Variants in TRPM6 observed in about 807,000 individuals in gnomAD.
TRPM6 encodes the protein channel kinase 2.
Under a neutral mutation model 247.6 loss-of-function variants are expected in TRPM6, and 111 were observed. The ratio of observed to expected loss-of-function variants is 0.45; its 90% CI spans 0.38 to 0.52. The LOEUF is 0.52. Ranked by LOEUF, TRPM6 falls within the 20% of genes least tolerant of loss-of-function variation. TRPM6 has a pLI of 0.00. For synonymous variants in TRPM6, 892 were observed against 853.8 expected, an observed-to-expected ratio of 1.04 and a Z score of -0.78; for missense variants, 2,126 against 2,421.5, an observed-to-expected ratio of 0.88 and a Z score of 2.56.
At chr9:74,753,416 GT>G (rs1484189803) in intron 28 of TRPM6, among the ~76,000 whole-genome samples, 1 of 152,150 alleles carries the variant, frequency 6.6e-6, no homozygotes, top group Non-Finnish European at 1.5e-5. Flanking sequence ...TGAAGGCCAA[GT>G]GGAGTAGCCG....
intron 17 of TRPM6, among the ~76,000 whole-genome samples, chr9:74,797,984 T>A (rs1384354729): frequency 1.3e-5 from 2 of 152,216 alleles, no homozygotes; most frequent in African/African-American, 4.8e-5. Flanking sequence ...AGGGTATAGA[T>A]CCAGACATCC....
intron 13 of TRPM6, 82 bp from the exon 14 acceptor site, chr9:74,808,256 A>AT: frequency 6.4e-7 from 1 of 1,558,028 alleles, no homozygotes; most frequent in Non-Finnish European, 8.8e-7. Context: ...ACATAATCAA[A>AT]TTAATTGCAA....
intron 1 of TRPM6, among the ~76,000 whole-genome samples, chr9:74,873,517 G>A (rs147876708): frequency 9.5e-4 from 145 of 152,316 alleles, no homozygotes; most frequent in African/African-American, 3.3e-3. Flanking sequence ...AATTATGATT[G>A]TCCAGAAGGG....
intron 27 of TRPM6, among the ~76,000 whole-genome samples, chr9:74,759,545 G>A (rs1159059164): frequency 6.6e-6 from 1 of 151,950 alleles, no homozygotes; most frequent in East Asian, 1.9e-4. Flanking sequence ...AAAAATGGTA[G>A]AAAATTTTGA....
intron 37 of TRPM6, among the ~76,000 whole-genome samples, chr9:74,732,226 A>G (rs1328281073): frequency 4.6e-5 from 7 of 152,204 alleles, no homozygotes; most frequent in African/African-American, 1.4e-4. Flanking sequence ...TTGTCCTCTC[A>G]TAAGATTTGC....
Position 74,724,224 on chromosome 9 carries a change from T to C in TRPM6, c.*389A>G, listed in dbSNP as rs1563983905. The C allele has an allele frequency of 3.7e-6, 1 of 272,904 alleles. No individual in the cohort carries two copies. Among genetic ancestry groups the C allele is most frequent in the Admixed American group, 4.8e-5 (1 of 20,668 alleles). 16.9% of individuals were successfully genotyped at this position (272,904 alleles called of 1,614,324 possible). On this transcript the variant is annotated 3_prime_UTR_variant, in exon 39 of 39. Coordinates refer to ENST00000360774, the MANE Select transcript of TRPM6 (RefSeq NM_017662.5). ...CTGTGGGTGAGGTGACAAATAGTAG[T>C]AGGGGGTCCAGTCTGCATACATAGT...
At position 74,739,970 on chromosome 9, in the gene TRPM6, G is replaced by C. The variant is rs750648613; in HGVS notation, c.5240C>G (p.Ser1747Cys). The C allele has an allele frequency of 1.9e-6, 3 of 1,613,978 alleles. No individual in the cohort carries two copies. Among genetic ancestry groups the C allele is most frequent in the Middle Eastern group, 1.6e-4 (1 of 6,072 alleles). Residue 1747 changes from serine (S) to cysteine (C), a missense_variant, in exon 34 of 39, where the codon TCC (serine) becomes TGC (cysteine). Ser to Cys is a moderately radical substitution (Grantham distance 112). This residue lies in a region of TRPM6 where 327 missense variants were observed against 397.7 expected (regional missense o/e 0.82). Coordinates refer to ENST00000360774, the MANE Select transcript of TRPM6 (RefSeq NM_017662.5). ...CATGCTTTTATCAAGGTTTAAAGGG[G>C]AACTCTCCTCCAACCTGTAGACAGT... The part of the protein sequence containing the change: ...EITVYRLEES[S>C]PLNLDKSMSS...
chr9:74,817,796 T>C (rs1302018454), intron 9 of TRPM6, among the ~76,000 whole-genome samples: 2 of 152,050 alleles, frequency 1.3e-5, no homozygotes, highest in Admixed American at 1.3e-4. Context: ...TAAATTAAAA[T>C]ACATTTCATA....
intron 30 of TRPM6, 66 bp from the exon 31 acceptor site, chr9:74,747,980 G>A (rs1180369732): frequency 3.5e-6 from 5 of 1,424,782 alleles, no homozygotes; most frequent in Non-Finnish European, 4.9e-6. Flanking sequence ...ATCAAAAAAA[G>A]GAAACAGCAC....
At chr9:74,826,332 C>T (rs1829328795) in intron 7 of TRPM6, among the ~76,000 whole-genome samples, 1 of 152,216 alleles carries the variant, frequency 6.6e-6, no homozygotes, top group Admixed American at 6.5e-5. Flanking sequence ...ATTCTGCTGC[C>T]TCCAGGGATC....
intron 24 of TRPM6, among the ~76,000 whole-genome samples, chr9:74,773,349 C>T (rs945272461): frequency 2.0e-5 from 3 of 152,166 alleles, no homozygotes; most frequent in South Asian, 2.1e-4. Flanking sequence ...CACCTTGTTA[C>T]GCAGAGTTTG....
intron 29 of TRPM6, among the ~76,000 whole-genome samples, chr9:74,751,845 C>T (rs187486837): frequency 3.5e-4 from 54 of 152,286 alleles, no homozygotes; most frequent in African/African-American, 1.2e-3. Context: ...TTGGAAAGCT[C>T]CAATTGCTAA....
At chr9:74,886,614 TA>T (rs1311394328) in intron 1 of TRPM6, among the ~76,000 whole-genome samples, 1 of 152,158 alleles carries the variant, frequency 6.6e-6, no homozygotes, top group Non-Finnish European at 1.5e-5. Context: ...TCCTCACCTG[TA>T]AACCGGTGGA....
At chr9:74,887,768 A>G (rs1831585202) in intron 1 of TRPM6, 56 bp downstream of exon 1, 1 of 1,613,864 alleles carries the variant, frequency 6.2e-7, no homozygotes, top group Non-Finnish European at 8.5e-7. Context: ...GGGGGCGCAG[A>G]TCTAGCGAAT....
At chr9:74,763,266 CCTT>C in intron 25 of TRPM6, 132 bp from the exon 26 acceptor site, 1 of 869,298 alleles carries the variant, frequency 1.2e-6, no homozygotes, top group Non-Finnish European at 1.9e-6. Context: ...CTGTCTTTTG[CCTT>C]CTTCTTCGCC....
chr9:74,875,533 A>G (rs1831171368), intron 1 of TRPM6, among the ~76,000 whole-genome samples: 1 of 152,028 alleles, frequency 6.6e-6, no homozygotes. Flanking sequence ...ACAGAGCTTG[A>G]CTCTACCTCA....
intron 5 of TRPM6, among the ~76,000 whole-genome samples, chr9:74,839,392 G>C (rs1396977274): frequency 6.6e-6 from 1 of 152,124 alleles, no homozygotes; most frequent in Non-Finnish European, 1.5e-5. Flanking sequence ...GTGTAGAAGA[G>C]TCAGTGATTG....
At chr9:74,752,449 G>T in intron 28 of TRPM6, 81 bp from the exon 29 acceptor site, 3 of 805,174 alleles carry the variant, frequency 3.7e-6, no homozygotes, top group South Asian at 1.5e-5. Flanking sequence ...AGAAAAATCT[G>T]AACACAGTAC....
At position 74,834,656 on chromosome 9, in the gene TRPM6, T is replaced by C. The variant is rs180913169; in HGVS notation, c.545-534A>G. Among the ~76,000 whole-genome samples, 203 of 138,934 alleles carry C rather than the reference T, an allele frequency of 1.5e-3. 2 individuals are homozygous for C. The highest frequency in any genetic ancestry group is 5.2e-3 in the African/African-American group (197 of 38,172). 91.1% of individuals were successfully genotyped at this position (138,934 alleles called of 152,430 possible). Reference sequence around the variant, plus strand: ...CTGGTGTGTGATGTTCCCCACCCTATGTCCAAGTGTTCTCATTGTTCAATT... The same window carrying C: ...CTGGTGTGTGATGTTCCCCACCCTACGTCCAAGTGTTCTCATTGTTCAATT... On this transcript the variant is annotated intron_variant, in intron 5 of 38. Transcript: ENST00000360774.
Sources: gnomAD v4.1 joint callset for allele counts (sites outside exome capture counted in the v4.1 genomes callset) on GRCh38, gnomAD v4.1.1 for gene constraint, gnomAD v4.1.1 regional missense constraint, MANE v1.5 for transcripts, NCBI Gene and HGNC (gene_info 2026-07-23, HGNC 2026-07-21) for gene names.